The following MYO9B variants were observed in gnomAD, a reference collection of about 807,000 sequenced individuals.
The protein encoded by MYO9B is myosin IXB.
MYO9B carries 71 observed loss-of-function variants against 229.5 expected under a neutral mutation model. That is an observed-to-expected ratio of 0.31 (90% CI 0.26 to 0.38). The LOEUF (loss-of-function observed/expected upper bound fraction) is 0.38. Among genes scored for constraint, MYO9B ranks in the 10% least tolerant of loss-of-function variants. The probability of loss-of-function intolerance (pLI) is 1.00; values close to 1 mark genes in which losing one functional copy is unlikely to be tolerated. For synonymous variants in MYO9B, 1,185 were observed against 1,235.8 expected, an observed-to-expected ratio of 0.96 and a Z score of 0.86; for missense variants, 2,255 against 2,920.5, an observed-to-expected ratio of 0.77 and a Z score of 5.25.
At chr19:17,196,347 A>G (rs1599415863) in intron 22 of MYO9B, among the ~76,000 whole-genome samples, 2 of 152,054 alleles carry the variant, frequency 1.3e-5, no homozygotes, top group Non-Finnish European at 2.9e-5. Context: ...AATGATGGAT[A>G]GAGGCATGGA....
chr19:17,140,754 C>T (rs535352772), intron 2 of MYO9B, among the ~76,000 whole-genome samples: 139 of 150,304 alleles, frequency 9.2e-4, no homozygotes, highest in Admixed American at 4.2e-3. Flanking sequence ...TCCCAAAGTG[C>T]TGGGATTACA....
In MYO9B at chr19:17,104,782, A is replaced by G. The variant is rs530215647; in HGVS notation, c.840+2225A>G. ...GTTGTTTTAGAGCAGTTTTAGGTTTATAAAAATACCGAGCAGATAGTGCAG... is the reference window on the plus strand; with the variant it reads ...GTTGTTTTAGAGCAGTTTTAGGTTTGTAAAAATACCGAGCAGATAGTGCAG... On this transcript the variant is annotated intron_variant, in intron 2 of 39. Transcript: ENST00000682292. Among the ~76,000 whole-genome samples the G allele has an allele frequency of 4.6e-5, 7 of 152,042 alleles. No individual in the cohort carries two copies. The South Asian group carries it at 1.2e-3, about 27-fold the overall frequency.
In MYO9B at chr19:17,192,901, C is replaced by T. The variant is rs1413975105; in HGVS notation, c.2967C>T (p.Cys989=). The T allele has an allele frequency of 6.5e-7, 1 of 1,550,306 alleles. No individual in the cohort carries two copies. Among genetic ancestry groups the T allele is most frequent in the Admixed American group, 2.0e-5 (1 of 51,016 alleles). Residue 989 remains cysteine (C), a synonymous_variant, in exon 21 of 40, where the codon TGC becomes TGT. Transcript: ENST00000682292. Reference sequence around the variant, plus strand: ...GGGCCGCCGTCACCATCCAGGCCTGCTGGCGGTCCTACCGGGTCCGGAGGG... The same window carrying T: ...GGGCCGCCGTCACCATCCAGGCCTGTTGGCGGTCCTACCGGGTCCGGAGGG... ...MKRAAVTIQA[C]WRSYRVRRAL... is the part of the protein sequence containing the mutation.
At chr19:17,179,853 C>G (rs191290507) in intron 14 of MYO9B, among the ~76,000 whole-genome samples, 2,337 of 147,344 alleles carry the variant, frequency 0.016, 58 homozygotes, top group African/African-American at 0.056. Flanking sequence ...GAGCTGAGAT[C>G]GCACCACTGC....
chr19:17,154,222 G>A, intron 5 of MYO9B, 93 bp from the exon 6 acceptor site: 1 of 1,386,040 alleles, frequency 7.2e-7, no homozygotes. Flanking sequence ...CTGGTCCTGG[G>A]GCCCTGCCCC....
chr19:17,199,335 T>C (rs940152147), intron 24 of MYO9B, among the ~76,000 whole-genome samples: 5 of 152,278 alleles, frequency 3.3e-5, no homozygotes, highest in Admixed American at 3.3e-4. Flanking sequence ...TGTAGCGAGC[T>C]ATGATCACAC....
chr19:17,109,894 G>A (rs1453510947), intron 2 of MYO9B, among the ~76,000 whole-genome samples: 1 of 152,182 alleles, frequency 6.6e-6, no homozygotes, highest in East Asian at 1.9e-4. Context: ...GGTTCTGGGG[G>A]TAAGGACTTA....
At chr19:17,191,303 ACT>A (rs10541498) in intron 20 of MYO9B, 84 bp downstream of exon 20, 615,595 of 1,415,422 alleles carry the variant, frequency 0.43, 144,304 homozygotes, top group African/African-American at 0.75. Context: ...CCCCAGGGCC[ACT>A]CTCTGAAACA....
At position 17,209,636 on chromosome 19, in the gene MYO9B, TGGA is replaced by T; in HGVS notation, c.5680_5682del (p.Glu1894del). ...CAGATGAGGAAATACAAAGTGAAGATGGAGGAGATCAGCCAACTGGAGGCTGCA... is the reference window on the plus strand; with the variant it reads ...CAGATGAGGAAATACAAAGTGAAGATGGAGATCAGCCAACTGGAGGCTGCA... On this transcript the variant is annotated inframe_deletion, in exon 36 of 40. Coordinates refer to ENST00000682292, the MANE Select transcript of MYO9B (RefSeq NM_004145.4). 1 of 1,609,644 alleles carries T rather than the reference TGGA, an allele frequency of 6.2e-7. No individual in the cohort carries two copies. The highest frequency in any genetic ancestry group is 8.5e-7 in the Non-Finnish European group (1 of 1,178,006).
At chr19:17,186,409 C>A (rs542189873) in intron 18 of MYO9B, among the ~76,000 whole-genome samples, 97 of 152,234 alleles carry the variant, frequency 6.4e-4, no homozygotes, top group Non-Finnish European at 7.2e-4. Context: ...GCAGGGGCTC[C>A]AGGCTCAGCA....
At chr19:17,112,628 A>G (rs2057858777) in intron 2 of MYO9B, among the ~76,000 whole-genome samples, 1 of 152,168 alleles carries the variant, frequency 6.6e-6, no homozygotes, top group Admixed American at 6.5e-5. Context: ...CTGCAGGGGA[A>G]CTGCCCGGAG....
intron 2 of MYO9B, among the ~76,000 whole-genome samples, chr19:17,103,979 C>A (rs986470441): frequency 5.9e-5 from 9 of 151,658 alleles, no homozygotes; most frequent in Non-Finnish European, 1.0e-4. Context: ...TCGCTTGAAC[C>A]CGGTAGGTGG....
chr19:17,129,900 C>T (rs987264377), intron 2 of MYO9B, among the ~76,000 whole-genome samples: 14 of 152,228 alleles, frequency 9.2e-5, no homozygotes, highest in African/African-American at 3.1e-4. Flanking sequence ...ACTGTAGCCT[C>T]GACCTCCTGG....
At chr19:17,078,607 C>G (rs1290069330) in intron 1 of MYO9B, among the ~76,000 whole-genome samples, 1 of 152,008 alleles carries the variant, frequency 6.6e-6, no homozygotes, top group Non-Finnish European at 1.5e-5. Context: ...AGAGGGGCCA[C>G]AAGATATTAT....
intron 8 of MYO9B, among the ~76,000 whole-genome samples, chr19:17,159,975 A>C (rs1254183861): frequency 6.6e-6 from 1 of 151,798 alleles, no homozygotes; most frequent in Non-Finnish European, 1.5e-5. Flanking sequence ...GACACTGACT[A>C]CCCTTATGTA....
intron 18 of MYO9B, 150 bp from the exon 19 acceptor site, chr19:17,187,785 C>A: frequency 1.5e-6 from 1 of 652,288 alleles, no homozygotes; most frequent in Non-Finnish European, 2.7e-6. Flanking sequence ...ACGTGTGCAC[C>A]CTGACCATGT....
Position 17,159,466 on chromosome 19 carries a change from T to A in MYO9B, c.1401T>A (p.Leu467=), listed in dbSNP as rs1428028447. Residue 467 remains leucine (L), a synonymous_variant, in exon 8 of 40, where the codon CTT becomes CTA. Transcript: ENST00000682292. ...TGACCGTCAACGACAAGCTTATCCT[T>A]CCCTACAGCCTCAGCGAGGTGAGCT... ...KTVTVNDKLI[L]PYSLSEAITA... 4 of 1,609,608 alleles carry A rather than the reference T, an allele frequency of 2.5e-6. No individual in the cohort carries two copies. Among genetic ancestry groups the A allele is most frequent in the Non-Finnish European group, 3.4e-6 (4 of 1,178,118 alleles).
intron 1 of MYO9B, among the ~76,000 whole-genome samples, chr19:17,077,150 G>A (rs1431996975): frequency 2.0e-5 from 3 of 152,206 alleles, no homozygotes; most frequent in Admixed American, 6.5e-5. Flanking sequence ...ATTCACATCT[G>A]ACAGGCCTGG....
At chr19:17,125,297 T>TCCC (rs67309597) in intron 2 of MYO9B, among the ~76,000 whole-genome samples, 10 of 99,772 alleles carry the variant, frequency 1.0e-4, no homozygotes, top group South Asian at 3.6e-4. Context: ...TAAAACCCCA[T>TCCC]CCCCCCCCCC....
Sources: allele counts gnomAD v4.1 joint callset (sites outside exome capture counted in the v4.1 genomes callset), GRCh38; gene constraint gnomAD v4.1.1; transcripts MANE v1.5; gene names NCBI Gene and HGNC (gene_info 2026-07-23, HGNC 2026-07-21).